The following CD274 variants were observed in gnomAD, a reference collection of about 807,000 sequenced individuals.
The protein encoded by CD274 is CD274 molecule, also known as programmed cell death 1 ligand 1.
A neutral mutation model predicts 30.1 loss-of-function variants in CD274; 8 were observed. The observed-to-expected ratio is 0.27, with a 90% CI of 0.16 to 0.48. The LOEUF is 0.48. Among genes scored for constraint, CD274 ranks in the 20% least tolerant of loss-of-function variants. CD274 has a pLI of 0.99. For synonymous variants in CD274, 152 were observed against 124.6 expected (o/e 1.22, Z -1.46); for missense variants, 353 against 346.6 (o/e 1.02, Z -0.15).
intron 4 of CD274, among the ~76,000 whole-genome samples, chr9:5,463,563 C>G (rs1056012114): frequency 6.6e-6 from 1 of 152,224 alleles, no homozygotes; most frequent in Non-Finnish European, 1.5e-5. Context: ...CTGCTTCCCT[C>G]TTTCCAGGGT....
chr9:5,465,694 C>A, intron 5 of CD274, 88 bp downstream of exon 5: 1 of 789,498 alleles, frequency 1.3e-6, no homozygotes, highest in South Asian at 1.5e-5. Context: ...CCGACTTAAC[C>A]TCTGCAAGGT....
chr9:5,457,651 T>C (rs1322526882), intron 3 of CD274, among the ~76,000 whole-genome samples: 1 of 152,222 alleles, frequency 6.6e-6, no homozygotes, highest in African/African-American at 2.4e-5. Flanking sequence ...TTCTACAGTA[T>C]GTACAGTTTT....
intron 1 of CD274, among the ~76,000 whole-genome samples, chr9:5,452,015 G>T (rs542380336): frequency 1.3e-4 from 17 of 132,202 alleles, no homozygotes; most frequent in East Asian, 1.3e-3. Context: ...AGTTTAACCG[G>T]TTTTTTTTGT....
chr9:5,463,073 A>G lies in CD274; in HGVS notation c.634A>G (p.Arg212Gly). Residue 212 changes from arginine to glycine, a missense_variant, in exon 4 of 7, where the codon AGG (arginine) becomes GGG (glycine). Physicochemically the swap from Arg to Gly is moderately radical, Grantham distance 125. Transcript: ENST00000381577. The stretch of plus-strand genomic sequence containing the variant: ...TAATGAGATTTTCTACTGCACTTTT[A>G]GGAGATTAGATCCTGAGGAAAACCA... ...TTNEIFYCTFRRLDPEENHTA... is the reference protein window; with the variant it reads ...TTNEIFYCTFGRLDPEENHTA... 6.2e-7 allele frequency: 1 copy of G among 1,613,936 alleles called. No homozygotes were observed. The highest frequency in any genetic ancestry group is 1.1e-5 in the South Asian group (1 of 91,082).
chr9:5,456,969 A>T (rs551274151), intron 2 of CD274, 110 bp from the exon 3 acceptor site: 2 of 709,562 alleles, frequency 2.8e-6, no homozygotes, highest in Admixed American at 2.7e-5. Flanking sequence ...GTTCTTAAAT[A>T]TAATGATAAC....
intron 3 of CD274, among the ~76,000 whole-genome samples, chr9:5,461,271 C>T (rs998643571): frequency 6.6e-6 from 1 of 152,098 alleles, no homozygotes; most frequent in African/African-American, 2.4e-5. Context: ...TTAGTATTAT[C>T]TTCAGTCCTC....
rs373167098 is a variant in CD274 at position 5,467,859 on chromosome 9, G to A, written c.870G>A (p.Thr290=). The part of the protein sequence containing the change: ...KKQSDTHLEE[T] ...CTCCAGATACACATTTGGAGGAGAC[G>A]TAATCCAGCATTGGAACTTCTGATC... Residue 290 remains threonine, a synonymous_variant, in exon 7 of 7, where the codon ACG becomes ACA. Coordinates refer to ENST00000381577, the MANE Select transcript of CD274 (RefSeq NM_014143.4). 95 of 1,609,888 alleles carry A rather than the reference G, an allele frequency of 5.9e-5. No homozygotes were observed. In the African/African-American group the frequency reaches 1.1e-3, roughly 18 times the overall value.
At chr9:5,460,190 T>G (rs1819379978) in intron 3 of CD274, among the ~76,000 whole-genome samples, 1 of 152,138 alleles carries the variant, frequency 6.6e-6, no homozygotes, top group East Asian at 1.9e-4. Flanking sequence ...TTTGGAAACA[T>G]GAACAGATTT....
intron 4 of CD274, 40 bp from the exon 5 acceptor site, chr9:5,465,459 A>G (rs1485549326): frequency 8.3e-7 from 1 of 1,204,596 alleles, no homozygotes; most frequent in Middle Eastern, 1.9e-4. Context: ...TCAAAATTTT[A>G]TCTTTAGTCA....
chr9:5,450,639 C>G (rs1392456441), intron 1 of CD274, 43 bp downstream of exon 1: 1 of 152,242 alleles, frequency 6.6e-6, no homozygotes, highest in African/African-American at 2.4e-5. Flanking sequence ...GGCCCAGTAT[C>G]TCTGGCTAGC....
chr9:5,464,961 C>T (rs1819471134), intron 4 of CD274, among the ~76,000 whole-genome samples: 1 of 151,978 alleles, frequency 6.6e-6, no homozygotes, highest in Non-Finnish European at 1.5e-5. Context: ...GTGGTGTGCA[C>T]CTGTAATCCC....
chr9:5,462,991 C>G lies in CD274; in HGVS notation c.552C>G (p.Ser184=), dbSNP rs1819432765. ...VLSGKTTTTN[S]KREEKLFNVT... is the part of the protein sequence containing the mutation. ...GTGGTAAGACCACCACCACCAATTC[C>G]AAGAGAGAGGAGAAGCTTTTCAATG... Residue 184 remains serine (S), a synonymous_variant, in exon 4 of 7, where the codon TCC becomes TCG. Coordinates refer to ENST00000381577, the MANE Select transcript of CD274 (RefSeq NM_014143.4). 1 of 1,614,016 alleles carries G rather than the reference C, an allele frequency of 6.2e-7. No individual in the cohort carries two copies. Among genetic ancestry groups the G allele is most frequent in the Non-Finnish European group, 8.5e-7 (1 of 1,179,938 alleles).
intron 3 of CD274, among the ~76,000 whole-genome samples, chr9:5,461,159 T>C (rs980419515): frequency 6.6e-6 from 1 of 152,188 alleles, no homozygotes; most frequent in African/African-American, 2.4e-5. Flanking sequence ...TTTTTTTATA[T>C]AACACTGCGA....
intron 1 of CD274, among the ~76,000 whole-genome samples, chr9:5,452,705 A>C (rs1198780225): frequency 6.6e-6 from 1 of 152,182 alleles, no homozygotes; most frequent in East Asian, 1.9e-4. Context: ...ATAAGAAATT[A>C]AGTAAATATT....
chr9:5,466,779 T>C lies in CD274; in HGVS notation c.800T>C (p.Met267Thr), dbSNP rs1243316924. 6.2e-7 allele frequency: 1 copy of C among 1,610,784 alleles called. No individual in the cohort carries two copies. Among genetic ancestry groups the C allele is most frequent in the Non-Finnish European group, 8.5e-7 (1 of 1,178,238 alleles). Residue 267 changes from methionine to threonine, a missense_variant, in exon 6 of 7, where the codon ATG (methionine) becomes ACG (threonine). By Grantham distance (81) the Met-to-Thr change is moderately conservative. Coordinates refer to ENST00000381577, the MANE Select transcript of CD274 (RefSeq NM_014143.4). ...ATTTCTTTTTCTCAAGGGAGAATGA[T>C]GGATGTGAAAAAATGTGGCATCCAA... ...FIFRLRKGRM[M>T]DVKKCGIQDT...
intron 1 of CD274, among the ~76,000 whole-genome samples, chr9:5,454,545 C>A (rs753853638): frequency 6.6e-6 from 1 of 151,844 alleles, no homozygotes. Context: ...TGTGAATATA[C>A]CAAAATTTGT....
chr9:5,467,999 T>C lies in CD274; in HGVS notation c.*137T>C. On this transcript the variant is annotated 3_prime_UTR_variant, in exon 7 of 7. Coordinates refer to ENST00000381577, the MANE Select transcript of CD274 (RefSeq NM_014143.4). ...TGTGGGACTTAAAAGGCCCAAGCAC[T>C]GAAAATGGAACCTGGCGAAAGCAGA... 1 of 739,312 alleles carries C rather than the reference T, an allele frequency of 1.4e-6. No individual in the cohort carries two copies. Among genetic ancestry groups the C allele is most frequent in the South Asian group, 1.5e-5 (1 of 65,048 alleles). The allele number at this position is 739,312 out of a possible 1,614,324, so 45.8% of individuals were successfully genotyped here.
chr9:5,450,723 G>A (rs1416977872), intron 1 of CD274, 127 bp downstream of exon 1: 8 of 152,450 alleles, frequency 5.2e-5, no homozygotes, highest in Non-Finnish European at 1.0e-4. Context: ...GAAAGGGAAC[G>A]CGATGGTCTA....
At chr9:5,452,413 G>A (rs1819223644) in intron 1 of CD274, among the ~76,000 whole-genome samples, 1 of 152,172 alleles carries the variant, frequency 6.6e-6, no homozygotes, top group Admixed American at 6.5e-5. Flanking sequence ...GCTTCCCCCA[G>A]GGACAAACCC....
Sources: allele counts gnomAD v4.1 joint callset (sites outside exome capture counted in the v4.1 genomes callset), GRCh38; gene constraint gnomAD v4.1.1; transcripts MANE v1.5; gene names NCBI Gene and HGNC (gene_info 2026-07-23, HGNC 2026-07-21).